The following WNK2 variants were observed in gnomAD, a reference collection of about 807,000 sequenced individuals.
WNK2 encodes the protein serine/threonine-protein kinase WNK2.
WNK2 carries 67 observed loss-of-function variants against 192.1 expected under a neutral mutation model. That is an observed-to-expected ratio of 0.35 (90% CI 0.29 to 0.43). The LOEUF is 0.43. WNK2 is among the 20% of genes least tolerant of loss of function. WNK2 has a pLI of 1.00. For missense variants in WNK2, 2,698 were observed against 3,089.7 expected (o/e 0.87, Z 3.01); for synonymous variants, 1,439 against 1,393.9 (o/e 1.03, Z -0.72).
At chr9:93,241,582 A>C (rs534035565) in intron 7 of WNK2, among the ~76,000 whole-genome samples, 1 of 152,028 alleles carries the variant, frequency 6.6e-6, no homozygotes, top group African/African-American at 2.4e-5. Flanking sequence ...AGGGGGTTGC[A>C]GAGAGGTGGG....
At chr9:93,216,562 G>A (rs1835776235) in intron 2 of WNK2, among the ~76,000 whole-genome samples, 1 of 152,062 alleles carries the variant, frequency 6.6e-6, no homozygotes, top group Non-Finnish European at 1.5e-5. Context: ...GGAGGTCGAG[G>A]CTGCAGTGAG....
chr9:93,225,199 A>G (rs1837606106), intron 2 of WNK2, among the ~76,000 whole-genome samples: 1 of 152,184 alleles, frequency 6.6e-6, no homozygotes, highest in African/African-American at 2.4e-5. Context: ...CAGGAGTTCA[A>G]GATCAGCCTG....
intron 9 of WNK2, 142 bp downstream of exon 9, chr9:93,253,224 A>G (rs1842838263): frequency 1.4e-6 from 1 of 715,542 alleles, no homozygotes; most frequent in Non-Finnish European, 2.0e-6. Context: ...GTCAGTGTCC[A>G]GCCACACTTC....
chr9:93,232,059 G>T (rs535561848), intron 4 of WNK2, among the ~76,000 whole-genome samples: 1 of 152,244 alleles, frequency 6.6e-6, no homozygotes, highest in Non-Finnish European at 1.5e-5. Flanking sequence ...AATCGGATCA[G>T]ATTGGGAGAG....
At chr9:93,262,518 G>A (rs41278266) in intron 13 of WNK2, among the ~76,000 whole-genome samples, 152 bp from the exon 14 acceptor site, 16 of 152,370 alleles carry the variant, frequency 1.1e-4, no homozygotes, top group African/African-American at 1.9e-4. Context: ...CCCCTGGGTC[G>A]TACCCACCTG....
At chr9:93,203,767 A>G (rs549938167) in intron 2 of WNK2, among the ~76,000 whole-genome samples, 5 of 152,278 alleles carry the variant, frequency 3.3e-5, no homozygotes, top group African/African-American at 1.2e-4. Context: ...TGGGACAGGG[A>G]ACGAGGCATC....
At chr9:93,252,822 A>T in intron 8 of WNK2, 61 bp from the exon 9 acceptor site, 1 of 1,319,362 alleles carries the variant, frequency 7.6e-7, no homozygotes, top group Non-Finnish European at 9.9e-7. Flanking sequence ...CAGATGAGCC[A>T]ATGTTTGTTC....
chr9:93,259,259 C>T lies in WNK2; in HGVS notation c.2711C>T (p.Ala904Val), dbSNP rs1445257344. 2 of 1,613,474 alleles carry T rather than the reference C, an allele frequency of 1.2e-6. No individual in the cohort carries two copies. The highest frequency in any genetic ancestry group is 2.2e-5 in the South Asian group (2 of 91,080). Residue 904 changes from alanine (A) to valine (V), a missense_variant, in exon 12 of 30, where the codon GCC becomes GTC. Physicochemically the swap from Ala to Val is moderately conservative, Grantham distance 64. Transcript: ENST00000427277. This position sits in a 1 kb window ranked among gnomAD's most constrained non-coding sequence, Gnocchi z 4.8. ...VAALSIHSAVAQLPGQPVYPA... is the reference protein window; with the variant it reads ...VAALSIHSAVVQLPGQPVYPA... ...GCCCTGTCCATTCATTCTGCCGTGGCCCAGCTCCCAGGCCAACCTGTGTAC... is the reference window on the plus strand; with the variant it reads ...GCCCTGTCCATTCATTCTGCCGTGGTCCAGCTCCCAGGCCAACCTGTGTAC...
intron 12 of WNK2, among the ~76,000 whole-genome samples, chr9:93,260,580 G>A (rs774890251): frequency 1.6e-4 from 25 of 152,162 alleles, no homozygotes; most frequent in Non-Finnish European, 2.9e-4. Flanking sequence ...CCCCAGCTCC[G>A]TTAGTGCTGA....
rs189687069 is a variant in WNK2, at chr9:93,291,290, A to T, written c.4937-1018A>T. Among the ~76,000 whole-genome samples the T allele has an allele frequency of 2.9e-4, 44 of 152,176 alleles. 2 individuals carry two copies. Among genetic ancestry groups the T allele is most frequent in the African/African-American group, 1.0e-3 (43 of 41,442 alleles). ...TCCGTCCCATGGGCCCCTTTGGCAG[A>T]TGAGCAAACTGAGCTTCAGTAACTT... On this transcript the variant is annotated intron_variant, in intron 21 of 29. Coordinates refer to ENST00000427277, the MANE Select transcript of WNK2 (RefSeq NM_006648.4).
intron 2 of WNK2, among the ~76,000 whole-genome samples, chr9:93,195,193 G>A (rs964018655): frequency 6.6e-6 from 1 of 152,134 alleles, no homozygotes; most frequent in African/African-American, 2.4e-5. Context: ...GAACCCAAGT[G>A]TAAATGTTGG....
At chr9:93,306,277 G>T (rs1381773818) in intron 26 of WNK2, among the ~76,000 whole-genome samples, 3 of 152,084 alleles carry the variant, frequency 2.0e-5, no homozygotes, top group East Asian at 3.9e-4. Context: ...ATCCAGACTT[G>T]GCCTCCAACC....
In WNK2 at chr9:93,289,968, C is replaced by A. The variant is rs376139802; in HGVS notation, c.4867-10C>A. The stretch of plus-strand genomic sequence containing the variant: ...TCACGGCTCTTCTCTTTTTGTGTTT[C>A]TTTCTCCAGGTGGAGAAGTCAGAAC... On this transcript the variant is annotated splice_polypyrimidine_tract_variant and intron_variant, in intron 20 of 29. Transcript: ENST00000427277. The A allele has an allele frequency of 9.6e-6, 15 of 1,560,194 alleles. No homozygotes were observed. The African/African-American group carries it at 1.9e-4, about 20-fold the overall frequency.
rs1428849226 is a variant in WNK2 at position 93,185,204 on chromosome 9, G to A, written c.275G>A (p.Arg92His). 2 of 1,157,966 alleles carry A rather than the reference G, an allele frequency of 1.7e-6. No individual in the cohort carries two copies. Among genetic ancestry groups the A allele is most frequent in the Non-Finnish European group, 1.1e-6 (1 of 942,714 alleles). 71.7% of individuals were successfully genotyped at this position (1,157,966 alleles called of 1,614,324 possible). ...RRLIAERARG[R>H]PAAPAPAALV... ...CTCATCGCGGAGCGCGCCCGCGGAC[G>A]CCCCGCCGCCCCCGCGCCCGCAGCG... is the stretch of plus-strand genomic sequence containing the variant. Residue 92 changes from arginine to histidine, a missense_variant, in exon 2 of 30, where the codon CGC becomes CAC. Arg to His is a conservative substitution (Grantham distance 29). Around this residue, in one of 7 missense-constraint regions of WNK2, gnomAD observed 260 missense variants for 285.6 expected, o/e 0.91. Coordinates refer to ENST00000427277, the MANE Select transcript of WNK2 (RefSeq NM_006648.4).
At chr9:93,225,995 A>G (rs1837747362) in intron 2 of WNK2, among the ~76,000 whole-genome samples, 1 of 152,170 alleles carries the variant, frequency 6.6e-6, no homozygotes, top group South Asian at 2.1e-4. Context: ...TGTTCCACCT[A>G]GACTGCATGG....
At chr9:93,204,545 G>A (rs550143871) in intron 2 of WNK2, among the ~76,000 whole-genome samples, 20 of 152,354 alleles carry the variant, frequency 1.3e-4, no homozygotes, top group Non-Finnish European at 1.3e-4. Flanking sequence ...TACCCAAGGT[G>A]CCTGGCATGG....
chr9:93,276,072 G>A (rs2133440206), intron 19 of WNK2, among the ~76,000 whole-genome samples: 1 of 152,316 alleles, frequency 6.6e-6, no homozygotes, highest in East Asian at 1.9e-4. Context: ...AGTTAAAGCA[G>A]ATTACTTTTT....
chr9:93,231,399 G>A (rs893873566), intron 4 of WNK2, among the ~76,000 whole-genome samples: 1 of 152,230 alleles, frequency 6.6e-6, no homozygotes, highest in African/African-American at 2.4e-5. Context: ...GCCCCAGATG[G>A]TCTTTGTGTT....
At chr9:93,282,347 A>G (rs1172061083) in intron 19 of WNK2, among the ~76,000 whole-genome samples, 1 of 152,186 alleles carries the variant, frequency 6.6e-6, no homozygotes, top group Non-Finnish European at 1.5e-5. Flanking sequence ...AGAAGGAAAG[A>G]AACAGCAACA....
Sources: gnomAD v4.1 joint callset for allele counts (sites outside exome capture counted in the v4.1 genomes callset) on GRCh38, gnomAD v4.1.1 for gene constraint, gnomAD v4.1.1 regional missense constraint, Gnocchi (gnomAD v3.1) non-coding constraint, MANE v1.5 for transcripts, NCBI Gene and HGNC (gene_info 2026-07-23, HGNC 2026-07-21) for gene names.